Variants in PRKCA observed in about 807,000 individuals in gnomAD.
The protein encoded by PRKCA is protein kinase C alpha.
In PRKCA, 27 loss-of-function variants were observed where a neutral mutation model predicts 87.0. That is an observed-to-expected ratio of 0.31 (90% confidence interval 0.23 to 0.43). The LOEUF is 0.43. PRKCA is among the 20% of genes least tolerant of loss of function. The probability of loss-of-function intolerance (pLI) is 1.00; values close to 1 mark genes in which losing one functional copy is unlikely to be tolerated. For missense variants in PRKCA, 518 were observed against 852.3 expected, an observed-to-expected ratio of 0.61 and a Z score of 4.88; for synonymous variants, 329 against 311.1, an observed-to-expected ratio of 1.06 and a Z score of -0.61.
intron 2 of PRKCA, chr17:66,415,423 T>TA (rs1360846789): frequency 6.6e-6 from 1 of 152,172 alleles, no homozygotes; most frequent in Admixed American, 6.5e-5. Flanking sequence ...AAGCTTGCTG[T>TA]AAAGTGGCAG....
intron 3 of PRKCA, among the ~76,000 whole-genome samples, chr17:66,520,421 C>T (rs1221597315): frequency 4.0e-5 from 6 of 151,890 alleles, no homozygotes; most frequent in Admixed American, 2.0e-4. Context: ...ATGCCCAGCC[C>T]ACCGTGCTAA....
chr17:66,802,360 T>C (rs573857168), intron 16 of PRKCA, among the ~76,000 whole-genome samples: 2 of 151,934 alleles, frequency 1.3e-5, no homozygotes, highest in African/African-American at 4.8e-5. Flanking sequence ...GGGAAAAGGG[T>C]AATGAAAGTA....
intron 14 of PRKCA, chr17:66,774,671 G>A: frequency 1.0e-6 from 1 of 986,524 alleles, no homozygotes; most frequent in Non-Finnish European, 1.2e-6. Context: ...TAAGTTTTCA[G>A]TATCTTAAAA....
At chr17:66,356,197 C>T (rs755755173) in intron 2 of PRKCA, among the ~76,000 whole-genome samples, 10 of 152,082 alleles carry the variant, frequency 6.6e-5, no homozygotes, top group Non-Finnish European at 1.3e-4. Flanking sequence ...CCACGCCCAT[C>T]GGTGATTTTT....
intron 2 of PRKCA, among the ~76,000 whole-genome samples, chr17:66,353,469 A>T (rs763416787): frequency 2.0e-5 from 3 of 152,154 alleles, no homozygotes; most frequent in Non-Finnish European, 4.4e-5. Context: ...TAATCCCAGC[A>T]CTTTGGGAGG....
chr17:66,386,788 C>G (rs544389134), intron 2 of PRKCA, among the ~76,000 whole-genome samples: 2 of 146,384 alleles, frequency 1.4e-5, no homozygotes, highest in African/African-American at 5.0e-5. Flanking sequence ...CTTTTAACCT[C>G]TAAAAGCCTT....
At chr17:66,516,973 C>A (rs2144200546) in intron 3 of PRKCA, among the ~76,000 whole-genome samples, 1 of 152,262 alleles carries the variant, frequency 6.6e-6, no homozygotes, top group South Asian at 2.1e-4. Context: ...CCTGTGCCAC[C>A]TGGCTAATTT....
intron 2 of PRKCA, among the ~76,000 whole-genome samples, chr17:66,427,317 C>A (rs566212508): frequency 3.9e-5 from 6 of 152,330 alleles, no homozygotes; most frequent in African/African-American, 1.4e-4. Context: ...TAGGCATGCA[C>A]CACCATGCCT....
At chr17:66,340,377 T>TCC (rs1906971578) in intron 2 of PRKCA, among the ~76,000 whole-genome samples, 2 of 130,356 alleles carry the variant, frequency 1.5e-5, no homozygotes, top group Non-Finnish European at 1.6e-5. Flanking sequence ...TTTTTTTTTT[T>TCC]TTCTTTTTTT....
intron 3 of PRKCA, among the ~76,000 whole-genome samples, chr17:66,516,123 G>C (rs940892195): frequency 6.6e-6 from 1 of 152,214 alleles, no homozygotes; most frequent in South Asian, 2.1e-4. Context: ...AGCAGCTTGG[G>C]TTGCCTGTAG....
At chr17:66,358,292 C>T (rs1309954002) in intron 2 of PRKCA, among the ~76,000 whole-genome samples, 1 of 152,098 alleles carries the variant, frequency 6.6e-6, no homozygotes, top group African/African-American at 2.4e-5. Flanking sequence ...CAGAGGAACT[C>T]TTCCGTTGTA....
At chr17:66,632,808 G>C (rs1343859159) in intron 3 of PRKCA, among the ~76,000 whole-genome samples, 1 of 152,012 alleles carries the variant, frequency 6.6e-6, no homozygotes, top group African/African-American at 2.4e-5. Context: ...AGTTTATTTA[G>C]CCATTGCCTT....
chr17:66,758,762 G>T (rs189081416), intron 13 of PRKCA, among the ~76,000 whole-genome samples: 240 of 152,182 alleles, frequency 1.6e-3, no homozygotes, highest in African/African-American at 5.6e-3. Context: ...CAGTTCCTTG[G>T]GTTCCATATT....
chr17:66,506,328 C>T (rs1916978023), intron 3 of PRKCA, among the ~76,000 whole-genome samples: 1 of 151,722 alleles, frequency 6.6e-6, no homozygotes, highest in African/African-American at 2.4e-5. Context: ...TGGGATCTGG[C>T]CTAGGCAACA....
intron 2 of PRKCA, among the ~76,000 whole-genome samples, chr17:66,441,344 CAA>C (rs141623507): frequency 7.1e-6 from 1 of 140,222 alleles, no homozygotes; most frequent in Admixed American, 7.2e-5. Context: ...GCCCTGTTTC[CAA>C]AAAAAAAAAA....
intron 2 of PRKCA, among the ~76,000 whole-genome samples, chr17:66,391,927 G>A (rs909590969): frequency 3.9e-4 from 59 of 152,198 alleles, no homozygotes; most frequent in African/African-American, 1.3e-3. Context: ...AATAAGATAC[G>A]CCATTAGAAA....
At chr17:66,750,152 G>A (rs1465809503) in intron 13 of PRKCA, among the ~76,000 whole-genome samples, 3 of 151,892 alleles carry the variant, frequency 2.0e-5, no homozygotes, top group Non-Finnish European at 4.4e-5. Context: ...GAGATACAGG[G>A]AGAGAAAAGC....
intron 2 of PRKCA, among the ~76,000 whole-genome samples, chr17:66,396,828 T>C (rs1158777301): frequency 1.3e-5 from 2 of 151,762 alleles, no homozygotes; most frequent in Non-Finnish European, 2.9e-5. Flanking sequence ...CACCCTCTAT[T>C]GTTGTTTTTT....
chr17:66,620,720 C>A (rs1008307523), intron 3 of PRKCA, among the ~76,000 whole-genome samples: 1 of 152,150 alleles, frequency 6.6e-6, no homozygotes, highest in African/African-American at 2.4e-5. Context: ...AGTTTGCATC[C>A]CATACAGATA....
Sources: gnomAD v4.1 joint callset for allele counts (sites outside exome capture counted in the v4.1 genomes callset) on GRCh38, gnomAD v4.1.1 for gene constraint, MANE v1.5 for transcripts, NCBI Gene and HGNC (gene_info 2026-07-23, HGNC 2026-07-21) for gene names.